The following DPH6 variants were observed in gnomAD, a reference collection of about 807,000 sequenced individuals.
DPH6 encodes the protein diphthine--ammonia ligase.
DPH6 carries 33 observed loss-of-function variants against 38.2 expected under a neutral mutation model. That is an observed-to-expected ratio of 0.86 (90% CI 0.65 to 1.15). The LOEUF is 1.15. DPH6 is among the 50% of genes most tolerant of loss of function. The pLI is 0.00. For missense variants in DPH6, 325 were observed against 320.0 expected (o/e 1.02, Z -0.12); for synonymous variants, 108 against 103.0 (o/e 1.05, Z -0.30).
chr15:35,383,037 T>C (rs1304759932), intron 6 of DPH6, among the ~76,000 whole-genome samples: 1 of 152,176 alleles, frequency 6.6e-6, no homozygotes, highest in Non-Finnish European at 1.5e-5. Context: ...TTCTAACAAC[T>C]TTCCACCAAA....
At chr15:35,334,979 C>T (rs1015069888) in intron 3 of DPH6, among the ~76,000 whole-genome samples, 4 of 152,176 alleles carry the variant, frequency 2.6e-5, no homozygotes, top group South Asian at 2.1e-4. Flanking sequence ...AATTGCCACA[C>T]CGTATTCAAC....
chr15:35,381,963 A>T, intron 6 of DPH6, 47 bp from the exon 7 acceptor site: 1 of 1,436,748 alleles, frequency 7.0e-7, no homozygotes, highest in South Asian at 1.2e-5. Context: ...TTAAAATTAG[A>T]CAGCATAAAT....
At chr15:35,502,730 C>G (rs2054643273) in intron 3 of DPH6, among the ~76,000 whole-genome samples, 1 of 151,500 alleles carries the variant, frequency 6.6e-6, no homozygotes, top group South Asian at 2.1e-4. Flanking sequence ...AGAAAAATTG[C>G]AACAATATGT....
chr15:35,185,942 G>C, the DPH6 span, among the ~76,000 whole-genome samples: 1 of 151,880 alleles, frequency 6.6e-6, no homozygotes, highest in South Asian at 2.1e-4. Context: ...CACCGTGTTA[G>C]CCAGGATGGT....
At chr15:35,365,275 A>C (rs777232216) in intron 3 of DPH6, among the ~76,000 whole-genome samples, 1 of 151,998 alleles carries the variant, frequency 6.6e-6, no homozygotes, top group Non-Finnish European at 1.5e-5. Flanking sequence ...ATGTATTTTT[A>C]TTTACTTTTC....
chr15:35,226,339 C>T (rs1019702304), intron 3 of DPH6, among the ~76,000 whole-genome samples: 2 of 152,068 alleles, frequency 1.3e-5, no homozygotes, highest in African/African-American at 2.4e-5. Context: ...AATACCTTTA[C>T]TCAGTCTTTA....
Position 35,450,764 on chromosome 15 carries a change from C to A in DPH6, c.426G>T (p.Trp142Cys). Residue 142 changes from tryptophan to cysteine, a missense_variant, in exon 5 of 9, where the codon TGG becomes TGT. By Grantham distance (215) the Trp-to-Cys change is radical. Coordinates refer to ENST00000256538, the MANE Select transcript of DPH6 (RefSeq NM_080650.4). Reference protein sequence around the residue: ...RLNLQPLAYLWQRNQEDLLRE... With the variant: ...RLNLQPLAYLCQRNQEDLLRE... ...TGAGCAAATCTTCCTGGTTTCTCTG[C>A]CAAAGATAAGCTAAAGGCTGGAGAT... The A allele has an allele frequency of 6.2e-7, 1 of 1,612,574 alleles. No individual in the cohort carries two copies.
rs926783279 is a variant in DPH6, at chr15:35,371,215, A to G, written c.*935T>C. 9 of 151,826 alleles carry G rather than the reference A, an allele frequency of 5.9e-5. No homozygotes were observed. The highest frequency in any genetic ancestry group is 2.2e-4 in the African/African-American group (9 of 41,402). The allele number at this position is 151,826 out of a possible 1,614,324, so 9.4% of individuals were successfully genotyped here. On this transcript the variant is annotated 3_prime_UTR_variant, in exon 9 of 9. Coordinates refer to ENST00000256538, the MANE Select transcript of DPH6 (RefSeq NM_080650.4). ...GGTTAAAGGAGAGGGAGGGATGAAT[A>G]AGTAAAACACAGAGGATTTTTTAAG...
At chr15:35,535,018 G>A (rs1375652693) in intron 3 of DPH6, among the ~76,000 whole-genome samples, 2 of 152,150 alleles carry the variant, frequency 1.3e-5, no homozygotes, top group African/African-American at 4.8e-5. Flanking sequence ...CCAGAAGAAT[G>A]CCATGTTCTG....
At chr15:35,311,764 T>C (rs2052143543) in intron 3 of DPH6, among the ~76,000 whole-genome samples, 1 of 152,110 alleles carries the variant, frequency 6.6e-6, no homozygotes. Flanking sequence ...ATTTTTAAAA[T>C]AGAGTTGTCC....
chr15:35,455,518 A>C lies in DPH6; in HGVS notation c.313-698T>G, dbSNP rs144852840. Among the ~76,000 whole-genome samples the C allele has an allele frequency of 1.1e-3, 162 of 152,280 alleles. 1 individual carries two copies. The highest frequency in any genetic ancestry group is 3.8e-3 in the African/African-American group (156 of 41,564). On this transcript the variant is annotated intron_variant, in intron 3 of 8. Transcript: ENST00000256538. ...TATGATCAAGTTTGCAGAGGATACA[A>C]AGCTAGAATGGATTAAAAAGAAAAC... is the stretch of plus-strand genomic sequence containing the variant.
intron 3 of DPH6, among the ~76,000 whole-genome samples, chr15:35,244,475 A>G (rs1002585348): frequency 6.6e-6 from 1 of 152,242 alleles, no homozygotes; most frequent in Non-Finnish European, 1.5e-5. Flanking sequence ...CTCTTTCACG[A>G]ACACATTCAT....
At chr15:35,447,931 C>CA (rs1303124149) in intron 5 of DPH6, among the ~76,000 whole-genome samples, 1 of 152,236 alleles carries the variant, frequency 6.6e-6, no homozygotes, top group East Asian at 1.9e-4. Flanking sequence ...CTTTCATAGT[C>CA]AATGTTACTA....
chr15:35,326,974 T>TA (rs533872317), downstream of DPH6, among the ~76,000 whole-genome samples: 12 of 152,124 alleles, frequency 7.9e-5, no homozygotes, highest in East Asian at 1.9e-3. Flanking sequence ...GAGGAAATAT[T>TA]AGAGTGGGAG....
chr15:35,242,231 T>C (rs1250667076), intron 3 of DPH6, among the ~76,000 whole-genome samples: 3 of 143,142 alleles, frequency 2.1e-5, no homozygotes, highest in Non-Finnish European at 3.1e-5. Flanking sequence ...AAAACACACG[T>C]GCTCTCCCTG....
chr15:35,412,606 T>C (rs145917159), intron 5 of DPH6, among the ~76,000 whole-genome samples: 5 of 151,806 alleles, frequency 3.3e-5, no homozygotes, highest in African/African-American at 1.2e-4. Context: ...AACGACTAAG[T>C]AAATTGTGTA....
intron 5 of DPH6, among the ~76,000 whole-genome samples, chr15:35,411,515 C>T (rs181979588): frequency 1.3e-4 from 20 of 151,424 alleles, no homozygotes; most frequent in Admixed American, 9.9e-4. Context: ...ATAGCGTGTG[C>T]GTAACCTTTA....
chr15:35,505,139 T>C (rs1013842361), intron 3 of DPH6, among the ~76,000 whole-genome samples: 1 of 152,118 alleles, frequency 6.6e-6, no homozygotes, highest in African/African-American at 2.4e-5. Flanking sequence ...TCAGCTTGCA[T>C]GTTCAACTGC....
At chr15:35,238,528 A>G (rs952940336) in intron 3 of DPH6, among the ~76,000 whole-genome samples, 6 of 152,178 alleles carry the variant, frequency 3.9e-5, no homozygotes, top group African/African-American at 1.4e-4. Flanking sequence ...TTTAGTAATG[A>G]GATTATTTTG....
Sources: allele counts gnomAD v4.1 joint callset (sites outside exome capture counted in the v4.1 genomes callset), GRCh38; gene constraint gnomAD v4.1.1; transcripts MANE v1.5; gene names NCBI Gene and HGNC (gene_info 2026-07-23, HGNC 2026-07-21).